The following LRP1B variants were observed in gnomAD, a reference collection of about 807,000 sequenced individuals.
LRP1B encodes LDL receptor related protein 1B, also known as low-density lipoprotein receptor-related protein 1B.
A neutral mutation model predicts 556.6 loss-of-function variants in LRP1B; 217 were observed. That is an observed-to-expected ratio of 0.39 (90% CI 0.35 to 0.44). LRP1B has a LOEUF of 0.44. LRP1B is among the 20% of genes least tolerant of loss of function. The pLI is 1.00. For missense variants in LRP1B, 5,053 were observed against 5,620.8 expected, an observed-to-expected ratio of 0.90 and a Z score of 3.23; for synonymous variants, 2,047 against 1,865.8, an observed-to-expected ratio of 1.10 and a Z score of -2.50.
At chr2:140,312,003 G>A (rs1684324765) in intron 83 of LRP1B, among the ~76,000 whole-genome samples, 2 of 151,862 alleles carry the variant, frequency 1.3e-5, no homozygotes, top group Admixed American at 1.3e-4. Flanking sequence ...ACCATCTGAT[G>A]TGGGGACAGT....
At chr2:141,363,695 T>C (rs1238545592) in intron 3 of LRP1B, among the ~76,000 whole-genome samples, 2 of 152,136 alleles carry the variant, frequency 1.3e-5, no homozygotes, top group African/African-American at 4.8e-5. Context: ...GTATTTTACA[T>C]GTACTTTTTT....
In LRP1B at chr2:141,213,175, C is replaced by T. The variant is rs79976884; in HGVS notation, c.850+16008G>A. ...CTATGTTGCCCGGGTTGGTCTTGAACCCCCAGGCTGATGTGATTTTCTTGC... is the reference window on the plus strand; with the variant it reads ...CTATGTTGCCCGGGTTGGTCTTGAATCCCCAGGCTGATGTGATTTTCTTGC... On this transcript the variant is annotated intron_variant, in intron 6 of 90. Coordinates refer to ENST00000389484, the MANE Select transcript of LRP1B (RefSeq NM_018557.3). Among the ~76,000 whole-genome samples the T allele has an allele frequency of 6.6e-3, 991 of 150,814 alleles. 17 individuals are homozygous for T. The highest frequency in any genetic ancestry group is 0.021 in the African/African-American group (873 of 40,980).
At chr2:140,419,393 GTACACA>G (rs1177875808) in intron 66 of LRP1B, among the ~76,000 whole-genome samples, 2 of 152,080 alleles carry the variant, frequency 1.3e-5, no homozygotes, top group Non-Finnish European at 2.9e-5. Context: ...GTTAGAATAA[GTACACA>G]TACACAAAAA....
chr2:141,071,410 G>A (rs1336109630), intron 7 of LRP1B, among the ~76,000 whole-genome samples: 5 of 151,874 alleles, frequency 3.3e-5, no homozygotes, highest in Non-Finnish European at 7.4e-5. Flanking sequence ...TACTGAATGG[G>A]CAAAAACTGG....
chr2:141,988,169 C>T (rs10184304), intron 1 of LRP1B, among the ~76,000 whole-genome samples: 131,246 of 151,828 alleles, frequency 0.86, 56,803 homozygotes, highest in East Asian at 0.95. Flanking sequence ...AATGAAAATA[C>T]TGGTCAAACC....
In LRP1B at chr2:141,188,427, A is replaced by G. The variant is rs758969770; in HGVS notation, c.1007T>C (p.Ile336Thr). The change falls in exon 7 of 91, where the codon ATA (isoleucine) becomes ACA (threonine). Residue 336 changes from isoleucine to threonine, a missense_variant. Ile to Thr is a moderately conservative substitution (Grantham distance 89, BLOSUM62 -1). Coordinates refer to ENST00000389484, the MANE Select transcript of LRP1B (RefSeq NM_018557.3). ...ACTATAAAGAATTTCTTACCCTGCT[A>G]TTGGATCTACTGCTATTGCTTTAGG... ...HNPKAIAVDP[I>T]AGKLFFTDYG... 5 of 1,611,376 alleles carry G rather than the reference A, an allele frequency of 3.1e-6. No homozygotes were observed. Among genetic ancestry groups the G allele is most frequent in the East Asian group, 4.5e-5 (2 of 44,736 alleles).
At chr2:140,438,071 T>C (rs1341380661) in intron 66 of LRP1B, among the ~76,000 whole-genome samples, 1 of 152,174 alleles carries the variant, frequency 6.6e-6, no homozygotes, top group Non-Finnish European at 1.5e-5. Flanking sequence ...TAGGCTACAG[T>C]ACAGGTGCAA....
intron 2 of LRP1B, among the ~76,000 whole-genome samples, chr2:141,593,964 C>A (rs1184464403): frequency 6.6e-6 from 1 of 152,080 alleles, no homozygotes. Context: ...TCCTGCTTGG[C>A]ATGCTTTCCC....
At chr2:140,329,554 A>T (rs1680684399) in intron 79 of LRP1B, among the ~76,000 whole-genome samples, 1 of 152,106 alleles carries the variant, frequency 6.6e-6, no homozygotes, top group African/African-American at 2.4e-5. Flanking sequence ...AAGTCTTAGG[A>T]TACCAAATCA....
At chr2:140,894,695 T>C (rs997949615) in intron 23 of LRP1B, among the ~76,000 whole-genome samples, 1 of 152,058 alleles carries the variant, frequency 6.6e-6, no homozygotes, top group African/African-American at 2.4e-5. Flanking sequence ...ACACCTGTAA[T>C]CCCAGCACTT....
intron 3 of LRP1B, among the ~76,000 whole-genome samples, chr2:141,269,732 A>C (rs1685017860): frequency 6.6e-6 from 1 of 152,182 alleles, no homozygotes; most frequent in Admixed American, 6.6e-5. Flanking sequence ...TTTTCAACTA[A>C]ATATTATGAG....
intron 3 of LRP1B, among the ~76,000 whole-genome samples, chr2:141,330,526 A>T (rs1202526164): frequency 1.3e-5 from 2 of 152,210 alleles, no homozygotes; most frequent in East Asian, 3.8e-4. Context: ...TTATTAGTAC[A>T]CAATAAAACC....
At chr2:141,617,454 G>A (rs1422398502) in intron 2 of LRP1B, among the ~76,000 whole-genome samples, 1 of 152,160 alleles carries the variant, frequency 6.6e-6, no homozygotes, top group Non-Finnish European at 1.5e-5. Context: ...AGGACAGAAT[G>A]GAGCATGCTA....
In LRP1B at chr2:141,505,884, T is replaced by A. The variant is rs966740148; in HGVS notation, c.206-25351A>T. ...GCCTTTTCTGGACATCTTATCAGCT[T>A]CAGAATATACTGATACAATTTATTG... On this transcript the variant is annotated intron_variant, in intron 2 of 90. Transcript: ENST00000389484. Among the ~76,000 whole-genome samples, 4 of 152,018 alleles carry A rather than the reference T, an allele frequency of 2.6e-5. No homozygotes were observed. The East Asian group carries it at 7.7e-4, about 29-fold the overall frequency.
chr2:141,647,936 A>C (rs561653780), intron 2 of LRP1B, among the ~76,000 whole-genome samples: 3 of 152,136 alleles, frequency 2.0e-5, no homozygotes, highest in Non-Finnish European at 4.4e-5. Flanking sequence ...AATAAGAAAA[A>C]AAATTTTTTA....
At chr2:141,145,927 T>C (rs1240640212) in intron 7 of LRP1B, among the ~76,000 whole-genome samples, 16 of 136,472 alleles carry the variant, frequency 1.2e-4, no homozygotes, top group South Asian at 2.5e-4. Context: ...TCTTTCTTTT[T>C]TTTTTTTTTT....
chr2:141,592,269 T>C (rs1687368334), intron 2 of LRP1B, among the ~76,000 whole-genome samples: 1 of 152,176 alleles, frequency 6.6e-6, no homozygotes, highest in Non-Finnish European at 1.5e-5. Flanking sequence ...AGATAGCTTA[T>C]ACGTGACAGA....
intron 86 of LRP1B, among the ~76,000 whole-genome samples, chr2:140,256,444 C>T: frequency 1.3e-5 from 1 of 76,168 alleles, no homozygotes; most frequent in Non-Finnish European, 2.9e-5. Context: ...TCTCTTTTTT[C>T]CTTCCTTTTT....
intron 2 of LRP1B, among the ~76,000 whole-genome samples, chr2:141,666,250 C>A (rs184281109): frequency 3.3e-5 from 5 of 152,190 alleles, no homozygotes; most frequent in Admixed American, 3.3e-4. Flanking sequence ...TCATTGTAGG[C>A]AACAATGTTA....
Sources: gnomAD v4.1 joint callset for allele counts (sites outside exome capture counted in the v4.1 genomes callset) on GRCh38, gnomAD v4.1.1 for gene constraint, MANE v1.5 for transcripts, NCBI Gene and HGNC (gene_info 2026-07-23, HGNC 2026-07-21) for gene names.